The following DLGAP1 variants were observed in gnomAD, a reference collection of about 807,000 sequenced individuals.
DLGAP1 encodes the protein disks large-associated protein 1.
A neutral mutation model predicts 90.8 loss-of-function variants in DLGAP1; 11 were observed. That is an observed-to-expected ratio of 0.12 (90% confidence interval 0.08 to 0.20). DLGAP1 has a LOEUF of 0.20. DLGAP1 is among the 10% of genes least tolerant of loss of function. DLGAP1 has a pLI of 1.00. For missense variants in DLGAP1, 1,050 were observed against 1,333.8 expected (o/e 0.79, Z 3.31); for synonymous variants, 558 against 540.7 (o/e 1.03, Z -0.44).
chr18:3,916,263 C>T (rs1055069911), intron 3 of DLGAP1, among the ~76,000 whole-genome samples: 2 of 152,142 alleles, frequency 1.3e-5, no homozygotes, highest in African/African-American at 4.8e-5. Context: ...CGTGTCTTCT[C>T]GGAGAACAGA....
chr18:3,574,799 ATTTTATTTTATTT>A (rs1160135707), intron 8 of DLGAP1, among the ~76,000 whole-genome samples: 1 of 112,420 alleles, frequency 8.9e-6, no homozygotes, highest in African/African-American at 2.9e-5. Context: ...ATTTTATTTT[ATTTTATTTTATTT>A]TATTTTATTT....
At chr18:3,759,121 T>C (rs2063842665) in intron 5 of DLGAP1, among the ~76,000 whole-genome samples, 1 of 152,154 alleles carries the variant, frequency 6.6e-6, no homozygotes, top group South Asian at 2.1e-4. Context: ...GAGACATTGC[T>C]ATTGTGAAGA....
chr18:4,168,784 A>G (rs2076975930), intron 1 of DLGAP1, among the ~76,000 whole-genome samples: 1 of 152,142 alleles, frequency 6.6e-6, no homozygotes, highest in Non-Finnish European at 1.5e-5. Flanking sequence ...GGGTCTTACT[A>G]TGTTGGCCAG....
intron 1 of DLGAP1, among the ~76,000 whole-genome samples, chr18:4,381,627 C>A (rs950158629): frequency 2.0e-5 from 3 of 152,110 alleles, no homozygotes; most frequent in African/African-American, 4.8e-5. Flanking sequence ...TCCCCCGTTT[C>A]CTACTCCTTT....
At position 3,718,287 on chromosome 18, in the gene DLGAP1, C is replaced by T. The variant is rs558650207; in HGVS notation, c.1591+10848G>A. ...CAGCCTGGCCAAGATGGTGAAACCCCGTCTCTATTAAAAATACAAAAATTA... is the reference window on the plus strand; with the variant it reads ...CAGCCTGGCCAAGATGGTGAAACCCTGTCTCTATTAAAAATACAAAAATTA... On this transcript the variant is annotated intron_variant, in intron 7 of 12. Coordinates refer to ENST00000315677, the MANE Select transcript of DLGAP1 (RefSeq NM_004746.4). Among the ~76,000 whole-genome samples, 330 of 150,062 alleles carry T rather than the reference C, an allele frequency of 2.2e-3. 2 individuals are homozygous for T. Among genetic ancestry groups the T allele is most frequent in the African/African-American group, 7.7e-3 (314 of 40,878 alleles).
chr18:3,664,152 A>G (rs999070528), intron 7 of DLGAP1, among the ~76,000 whole-genome samples: 11 of 150,190 alleles, frequency 7.3e-5, no homozygotes, highest in Non-Finnish European at 3.0e-5. Context: ...AGATCTTGGG[A>G]CTTCTCAGCC....
intron 5 of DLGAP1, among the ~76,000 whole-genome samples, chr18:3,765,544 A>G (rs1180625469): frequency 1.3e-5 from 2 of 151,908 alleles, no homozygotes; most frequent in African/African-American, 2.4e-5. Flanking sequence ...ATTTGTACAA[A>G]GAGATATACT....
At chr18:3,607,157 C>T (rs1379804158) in intron 7 of DLGAP1, 5 of 152,086 alleles carry the variant, frequency 3.3e-5, no homozygotes, top group Non-Finnish European at 7.4e-5. Flanking sequence ...TTTGTATTAC[C>T]ATGTATGTTG....
chr18:4,336,467 C>T (rs2081069073), intron 1 of DLGAP1, among the ~76,000 whole-genome samples: 1 of 152,116 alleles, frequency 6.6e-6, no homozygotes, highest in Admixed American at 6.6e-5. Flanking sequence ...GGCAATGAGG[C>T]CCAAAGATGC....
At chr18:4,257,993 G>GTGTGTGTGTA (rs2078927146) in intron 1 of DLGAP1, among the ~76,000 whole-genome samples, 1 of 143,162 alleles carries the variant, frequency 7.0e-6, no homozygotes, top group South Asian at 2.1e-4. Flanking sequence ...GTGTGTGTGT[G>GTGTGTGTGTA]TGTGTGTGTG....
At chr18:3,583,166 C>A (rs71360805) in intron 7 of DLGAP1, among the ~76,000 whole-genome samples, 67 of 106,792 alleles carry the variant, frequency 6.3e-4, no homozygotes, top group South Asian at 5.5e-3. Context: ...ACCTACCTAC[C>A]TACCTACCTA....
intron 1 of DLGAP1, among the ~76,000 whole-genome samples, chr18:4,432,103 G>C (rs72866371): frequency 0.022 from 3,365 of 152,252 alleles, 64 homozygotes; most frequent in Non-Finnish European, 0.035. Flanking sequence ...CAACGTGAAA[G>C]TTAAAATCTC....
intron 9 of DLGAP1, among the ~76,000 whole-genome samples, chr18:3,561,008 T>G (rs1024666797): frequency 6.6e-6 from 1 of 150,866 alleles, no homozygotes; most frequent in African/African-American, 2.5e-5. Flanking sequence ...ACTTATTCCT[T>G]GTATCATTGC....
intron 2 of DLGAP1, among the ~76,000 whole-genome samples, chr18:4,047,549 T>A (rs892209042): frequency 1.3e-5 from 2 of 152,240 alleles, no homozygotes; most frequent in East Asian, 1.9e-4. Context: ...CATAGTAAGA[T>A]AAGTTGACAA....
At chr18:4,286,817 G>GA (rs1283255797) in intron 1 of DLGAP1, among the ~76,000 whole-genome samples, 3 of 152,078 alleles carry the variant, frequency 2.0e-5, no homozygotes, top group Middle Eastern at 3.2e-3. Flanking sequence ...GATCTTAAAA[G>GA]AAAAAAGATA....
intron 5 of DLGAP1, among the ~76,000 whole-genome samples, chr18:3,795,284 T>C (rs1341290999): frequency 3.3e-5 from 5 of 152,120 alleles, no homozygotes; most frequent in African/African-American, 1.2e-4. Context: ...TATTTAAAAA[T>C]ATATTTTCTC....
chr18:4,083,983 G>A (rs980068413), intron 2 of DLGAP1, among the ~76,000 whole-genome samples: 2 of 152,122 alleles, frequency 1.3e-5, no homozygotes, highest in African/African-American at 2.4e-5. Context: ...CGGATCACAC[G>A]GGGGCTTGGA....
chr18:3,625,189 G>A (rs534674469), intron 7 of DLGAP1, among the ~76,000 whole-genome samples: 1 of 152,314 alleles, frequency 6.6e-6, no homozygotes, highest in African/African-American at 2.4e-5. Context: ...GCCCAGTGAT[G>A]TTACGACTGC....
intron 1 of DLGAP1, among the ~76,000 whole-genome samples, chr18:4,446,017 A>G (rs769339901): frequency 6.6e-6 from 1 of 152,210 alleles, no homozygotes; most frequent in Non-Finnish European, 1.5e-5. Flanking sequence ...CACTGTTAAC[A>G]ATTCATCAAG....
Sources: gnomAD v4.1 joint callset for allele counts (sites outside exome capture counted in the v4.1 genomes callset) on GRCh38, gnomAD v4.1.1 for gene constraint, MANE v1.5 for transcripts, NCBI Gene and HGNC (gene_info 2026-07-23, HGNC 2026-07-21) for gene names.